Variants in SPINK13 observed in about 807,000 individuals in gnomAD.
SPINK13 encodes serine peptidase inhibitor Kazal type 13, also known as serine protease inhibitor Kazal-type 13.
Under a neutral mutation model 11.0 loss-of-function variants are expected in SPINK13, and 11 were observed. That is an observed-to-expected ratio of 1.00 (90% CI 0.63 to 1.65). The LOEUF (loss-of-function observed/expected upper bound fraction) is 1.65, where lower values mean the gene tolerates loss of function less well. Among genes scored for constraint, SPINK13 ranks in the 40% most tolerant of loss-of-function variants. SPINK13 has a pLI of 0.00. For synonymous variants in SPINK13, 31 were observed against 35.6 expected, an observed-to-expected ratio of 0.87 and a Z score of 0.46; for missense variants, 113 against 117.7, an observed-to-expected ratio of 0.96 and a Z score of 0.19.
intron 3 of SPINK13, among the ~76,000 whole-genome samples, chr5:148,281,327 G>T (rs568161821): frequency 6.6e-6 from 1 of 151,666 alleles, no homozygotes; most frequent in Non-Finnish European, 1.5e-5. Context: ...GCACCCCTGG[G>T]GTATGAAAAA....
chr5:148,280,771 C>G (rs961299728), intron 3 of SPINK13, among the ~76,000 whole-genome samples: 12 of 152,214 alleles, frequency 7.9e-5, no homozygotes, highest in African/African-American at 2.9e-4. Context: ...CAGGGACCCA[C>G]TTGAGGAGGC....
chr5:148,285,183 G>C (rs1756571748), intron 4 of SPINK13, among the ~76,000 whole-genome samples: 1 of 152,090 alleles, frequency 6.6e-6, no homozygotes, highest in South Asian at 2.1e-4. Context: ...AACAACCATA[G>C]TTCTTCCTCT....
At chr5:148,272,886 A>G (rs1010614538) in intron 2 of SPINK13, among the ~76,000 whole-genome samples, 1 of 152,200 alleles carries the variant, frequency 6.6e-6, no homozygotes, top group African/African-American at 2.4e-5. Flanking sequence ...TACATTTTGC[A>G]AAAGCATGGA....
At chr5:148,274,508 G>A in intron 3 of SPINK13, 124 bp downstream of exon 3, 1 of 728,068 alleles carries the variant, frequency 1.4e-6, no homozygotes. Flanking sequence ...AGAACTTAGG[G>A]AAGCTGAGGC....
chr5:148,282,685 T>C (rs1357109262), intron 4 of SPINK13, among the ~76,000 whole-genome samples: 1 of 152,250 alleles, frequency 6.6e-6, no homozygotes, highest in Non-Finnish European at 1.5e-5. Context: ...TAGATGCAGG[T>C]ATAGATACAC....
At chr5:148,281,366 G>T (rs76028731) in intron 3 of SPINK13, among the ~76,000 whole-genome samples, 3,859 of 152,244 alleles carry the variant, frequency 0.025, 172 homozygotes, top group African/African-American at 0.087. Context: ...CTCAGTGTCT[G>T]CCCAAATGGG....
At chr5:148,273,162 T>G (rs753474548) in intron 2 of SPINK13, among the ~76,000 whole-genome samples, 3 of 152,152 alleles carry the variant, frequency 2.0e-5, no homozygotes, top group Non-Finnish European at 4.4e-5. Flanking sequence ...TATTGTCTGC[T>G]CTTCAGTTAG....
At chr5:148,274,536 C>T (rs900876602) in intron 3 of SPINK13, 152 bp downstream of exon 3, 2 of 608,130 alleles carry the variant, frequency 3.3e-6, no homozygotes, top group Non-Finnish European at 5.7e-6. Context: ...TCACCTGAGC[C>T]CAGGAGTTCA....
In SPINK13 at chr5:148,270,078, T is replaced by A; in HGVS notation, c.6T>A (p.Ala2=). ...AGAGTCTTATATGAGATCAAATGGCTGCCTTTCCCCACAAGATTATATTTT... is the reference window on the plus strand; with the variant it reads ...AGAGTCTTATATGAGATCAAATGGCAGCCTTTCCCCACAAGATTATATTTT... M[A]AFPHKIIFFL... Residue 2 remains alanine, a synonymous_variant, in exon 2 of 5, where the codon GCT becomes GCA. Transcript: ENST00000398450. The A allele has an allele frequency of 6.2e-7, 1 of 1,614,052 alleles. No homozygotes were observed. The highest frequency in any genetic ancestry group is 2.2e-5 in the East Asian group (1 of 44,858).
chr5:148,274,431 C>T, intron 3 of SPINK13, 47 bp downstream of exon 3: 1 of 1,482,782 alleles, frequency 6.7e-7, no homozygotes. Context: ...AGTCTAATCA[C>T]TCTCCAGACA....
intron 3 of SPINK13, among the ~76,000 whole-genome samples, chr5:148,275,666 CTT>C (rs768312591): frequency 4.6e-4 from 66 of 142,160 alleles, no homozygotes; most frequent in Admixed American, 7.7e-4. Context: ...GACTTTTTTT[CTT>C]TTTTTTTTTT....
At chr5:148,282,640 A>G (rs987476867) in intron 4 of SPINK13, among the ~76,000 whole-genome samples, 9 of 152,234 alleles carry the variant, frequency 5.9e-5, no homozygotes, top group Non-Finnish European at 1.3e-4. Context: ...AAAAAGATGC[A>G]GATGCAGCTA....
Position 148,282,236 on chromosome 5 carries a change from G to A in SPINK13, c.236+5G>A, listed in dbSNP as rs777423821. 6.2e-7 allele frequency: 1 copy of A among 1,613,826 alleles called. No homozygotes were observed. Among genetic ancestry groups the A allele is most frequent in the South Asian group, 1.1e-5 (1 of 91,038 alleles). ...TTTCTTTTGTGTTGAACAGAGGTAA[G>A]TTCAGAATAAAATGCCATTATTTTT... On this transcript the variant is annotated splice_donor_5th_base_variant and intron_variant, in intron 4 of 4. Coordinates refer to ENST00000398450, the MANE Select transcript of SPINK13 (RefSeq NM_001040129.3).
intron 3 of SPINK13, among the ~76,000 whole-genome samples, chr5:148,280,066 G>T (rs749128327): frequency 1.2e-4 from 18 of 151,914 alleles, no homozygotes; most frequent in Non-Finnish European, 2.5e-4. Context: ...TCTTTTGCTT[G>T]ATTGATTTGG....
intron 2 of SPINK13, among the ~76,000 whole-genome samples, chr5:148,272,940 C>T (rs1317672940): frequency 6.6e-6 from 1 of 152,094 alleles, no homozygotes; most frequent in Non-Finnish European, 1.5e-5. Flanking sequence ...TCAATATTGC[C>T]AAATTTTACT....
chr5:148,270,019 C>G, intron 1 of SPINK13, 21 bp from the exon 2 acceptor site: 1 of 1,573,386 alleles, frequency 6.4e-7, no homozygotes, highest in South Asian at 1.1e-5. Flanking sequence ...AAACTAAAAA[C>G]AATCTTGGGC....
intron 4 of SPINK13, among the ~76,000 whole-genome samples, chr5:148,285,472 A>T (rs1260091302): frequency 1.3e-5 from 2 of 152,206 alleles, no homozygotes; most frequent in African/African-American, 4.8e-5. Flanking sequence ...GTCTTTAGAG[A>T]TGTAATACAA....
At chr5:148,275,912 C>T (rs576265161) in intron 3 of SPINK13, among the ~76,000 whole-genome samples, 1 of 152,222 alleles carries the variant, frequency 6.6e-6, no homozygotes, top group Admixed American at 6.5e-5. Context: ...CTGCCCGCCT[C>T]CGCCTCCCAA....
chr5:148,275,823 G>T (rs1756419127), intron 3 of SPINK13, among the ~76,000 whole-genome samples: 1 of 151,948 alleles, frequency 6.6e-6, no homozygotes, highest in South Asian at 2.1e-4. Context: ...ACCAAGCCTG[G>T]CTAATTTTTT....
Sources: gnomAD v4.1 joint callset for allele counts (sites outside exome capture counted in the v4.1 genomes callset) on GRCh38, gnomAD v4.1.1 for gene constraint, MANE v1.5 for transcripts, NCBI Gene and HGNC (gene_info 2026-07-23, HGNC 2026-07-21) for gene names.